Variants in FILIP1L observed in about 807,000 individuals in gnomAD.
FILIP1L encodes the protein filamin A interacting protein 1 like.
A neutral mutation model predicts 96.6 loss-of-function variants in FILIP1L; 55 were observed. The observed-to-expected ratio is 0.57, with a 90% confidence interval of 0.46 to 0.71. The LOEUF is 0.71. FILIP1L is among the 30% of genes least tolerant of loss of function. The pLI is 0.00. For synonymous variants in FILIP1L, 467 were observed against 473.9 expected (o/e 0.99, Z 0.19); for missense variants, 1,304 against 1,321.2 (o/e 0.99, Z 0.20).
intron 4 of FILIP1L, among the ~76,000 whole-genome samples, chr3:99,877,587 C>G (rs1418265573): frequency 1.3e-5 from 2 of 152,062 alleles, no homozygotes; most frequent in Non-Finnish European, 2.9e-5. Context: ...ACTCTTCAGC[C>G]GAACTTAAAA....
Position 99,850,428 on chromosome 3 carries a change from C to G in FILIP1L, c.1248G>C (p.Glu416Asp), listed in dbSNP as rs985031788. Residue 416 changes from glutamate to aspartate, a missense_variant, in exon 5 of 6, where the codon GAG becomes GAC. Physicochemically the swap from Glu to Asp is conservative, Grantham distance 45 (BLOSUM62 2). Coordinates refer to ENST00000477258, the MANE Select transcript of FILIP1L (RefSeq NM_001387850.1). ...ETLQSKDFKL[E>D]VEKLSKRIMA... ...TAATTCTTTTACTGAGTTTTTCAAC[C>G]TCTAGTTTAAAGTCTTTACTCTGTA... is the stretch of plus-strand genomic sequence containing the variant. 2.5e-6 allele frequency: 4 copies of G among 1,613,798 alleles called. No individual in the cohort carries two copies. In the African/African-American group the frequency reaches 5.3e-5, roughly 22 times the overall value.
chr3:99,962,681 G>A (rs1286874831), intron 1 of FILIP1L, among the ~76,000 whole-genome samples: 1 of 152,200 alleles, frequency 6.6e-6, no homozygotes, highest in Non-Finnish European at 1.5e-5. Context: ...TCCTGTTACA[G>A]TAAGAAATAG....
At chr3:99,978,752 A>G (rs1709038808) in intron 1 of FILIP1L, among the ~76,000 whole-genome samples, 2 of 152,166 alleles carry the variant, frequency 1.3e-5, no homozygotes, top group Admixed American at 6.5e-5. Flanking sequence ...AAAATTAACC[A>G]GGCAGGACTG....
intron 4 of FILIP1L, among the ~76,000 whole-genome samples, chr3:99,877,027 A>G (rs1336048127): frequency 1.3e-5 from 2 of 152,232 alleles, no homozygotes; most frequent in Non-Finnish European, 2.9e-5. Context: ...GCCAAATGTG[A>G]TTGAATTAAG....
Position 99,898,180 on chromosome 3 carries a change from G to A in FILIP1L, c.605+26050C>T, listed in dbSNP as rs1576556736. On this transcript the variant is annotated intron_variant, in intron 4 of 5. Transcript: ENST00000477258. ...TTAGATATGATACAATATTTTTGTT[G>A]CATATTTTGACATTTTTGAAGGTTA... 3 of 151,986 alleles carry A rather than the reference G, an allele frequency of 2.0e-5. No individual in the cohort carries two copies. In the South Asian group the frequency reaches 6.2e-4, roughly 32 times the overall value. The allele number at this position is 151,986 out of a possible 1,614,324, so 9.4% of individuals were successfully genotyped here.
intron 1 of FILIP1L, among the ~76,000 whole-genome samples, chr3:99,965,779 G>A (rs912145705): frequency 6.6e-6 from 1 of 152,192 alleles, no homozygotes; most frequent in Admixed American, 6.5e-5. Context: ...GTCATTAGGG[G>A]GAGGGTGTTA....
chr3:99,974,448 G>A (rs144837453), intron 1 of FILIP1L, among the ~76,000 whole-genome samples: 71 of 152,230 alleles, frequency 4.7e-4, no homozygotes, highest in African/African-American at 1.4e-3. Context: ...AGTGGCTCAC[G>A]CCTGTAATCA....
intron 5 of FILIP1L, among the ~76,000 whole-genome samples, chr3:99,832,392 G>A (rs527596722): frequency 4.4e-4 from 67 of 150,618 alleles, no homozygotes; most frequent in Admixed American, 4.6e-4. Flanking sequence ...CACCACGCCC[G>A]GCTAATTTTT....
chr3:99,863,494 T>C (rs775603149), intron 4 of FILIP1L, among the ~76,000 whole-genome samples: 3 of 152,190 alleles, frequency 2.0e-5, no homozygotes, highest in South Asian at 2.1e-4. Context: ...AAGTAGACTA[T>C]TAAGGATATT....
At chr3:99,900,338 G>T (rs1027236123) in intron 4 of FILIP1L, among the ~76,000 whole-genome samples, 1 of 152,086 alleles carries the variant, frequency 6.6e-6, no homozygotes, top group African/African-American at 2.4e-5. Flanking sequence ...GGTGCTTCTT[G>T]TATGTTAAAC....
chr3:99,970,877 A>G (rs1380481142), intron 1 of FILIP1L, among the ~76,000 whole-genome samples: 2 of 152,224 alleles, frequency 1.3e-5, no homozygotes, highest in Non-Finnish European at 2.9e-5. Flanking sequence ...GTGTGGATGC[A>G]ATTAAAGGGA....
chr3:99,838,050 C>T (rs1356367324), intron 5 of FILIP1L, among the ~76,000 whole-genome samples: 5 of 152,200 alleles, frequency 3.3e-5, no homozygotes, highest in African/African-American at 4.8e-5. Context: ...TAATCAGGTA[C>T]CTCCTGCTCT....
intron 1 of FILIP1L, among the ~76,000 whole-genome samples, chr3:99,988,253 T>G (rs1709405165): frequency 6.6e-6 from 1 of 151,056 alleles, no homozygotes; most frequent in Non-Finnish European, 1.5e-5. Flanking sequence ...ATCCCAGCAC[T>G]TTGGGAGGCC....
At chr3:99,931,168 G>C in intron 1 of FILIP1L, 138 bp from the exon 2 acceptor site, 3 of 684,128 alleles carry the variant, frequency 4.4e-6, no homozygotes, top group African/African-American at 1.8e-5. Flanking sequence ...GTCTACAGCA[G>C]AGAAGGATAT....
At chr3:100,004,932 A>T (rs1229195092) in intron 1 of FILIP1L, among the ~76,000 whole-genome samples, 1 of 152,142 alleles carries the variant, frequency 6.6e-6, no homozygotes, top group Non-Finnish European at 1.5e-5. Flanking sequence ...CCCATTAGAT[A>T]TTGGATTTCA....
At chr3:99,946,823 C>G (rs1374824102) in intron 1 of FILIP1L, among the ~76,000 whole-genome samples, 2 of 152,220 alleles carry the variant, frequency 1.3e-5, no homozygotes, top group East Asian at 3.9e-4. Context: ...TTTGCTGGCT[C>G]TATACTACAA....
intron 4 of FILIP1L, among the ~76,000 whole-genome samples, chr3:99,856,322 T>C (rs1169285333): frequency 1.3e-5 from 2 of 152,236 alleles, no homozygotes; most frequent in Admixed American, 6.5e-5. Flanking sequence ...ATAGTGGACG[T>C]AGACGTTGAT....
intron 4 of FILIP1L, among the ~76,000 whole-genome samples, chr3:99,887,766 A>G (rs1705955667): frequency 6.6e-6 from 1 of 152,186 alleles, no homozygotes; most frequent in Non-Finnish European, 1.5e-5. Flanking sequence ...ATAGGGCCTC[A>G]TTCTGTCACC....
At chr3:99,925,663 G>A (rs1159815456) in intron 3 of FILIP1L, among the ~76,000 whole-genome samples, 1 of 152,230 alleles carries the variant, frequency 6.6e-6, no homozygotes, top group Non-Finnish European at 1.5e-5. Context: ...TGGATGCTAA[G>A]CCACAGCAGC....
Sources: gnomAD v4.1 joint callset for allele counts (sites outside exome capture counted in the v4.1 genomes callset) on GRCh38, gnomAD v4.1.1 for gene constraint, MANE v1.5 for transcripts, NCBI Gene and HGNC (gene_info 2026-07-23, HGNC 2026-07-21) for gene names.